Variants in FASTKD1 observed in about 807,000 individuals in gnomAD.
FASTKD1 encodes the protein FAST kinase domains 1.
Under a neutral mutation model 90.9 loss-of-function variants are expected in FASTKD1, and 94 were observed. That is an observed-to-expected ratio of 1.03 (90% CI 0.88 to 1.23). FASTKD1 has a LOEUF of 1.23. FASTKD1 is among the 50% of genes most tolerant of loss of function. The probability of loss-of-function intolerance (pLI) is 0.00; values close to 1 mark genes in which losing one functional copy is unlikely to be tolerated. For synonymous variants in FASTKD1, 319 were observed against 345.8 expected (o/e 0.92, Z 0.86); for missense variants, 945 against 993.5 (o/e 0.95, Z 0.66).
chr2:169,549,131 A>T (rs1685369124), intron 7 of FASTKD1, among the ~76,000 whole-genome samples: 1 of 151,856 alleles, frequency 6.6e-6, no homozygotes, highest in Non-Finnish European at 1.5e-5. Context: ...GTGGTGGCTC[A>T]CGCCTGTAAT....
intron 2 of FASTKD1, among the ~76,000 whole-genome samples, 182 bp from the exon 3 acceptor site, chr2:169,569,434 A>G (rs762806736): frequency 5.9e-5 from 9 of 152,244 alleles, no homozygotes; most frequent in Non-Finnish European, 1.0e-4. Context: ...ATAAACATCT[A>G]TACTTTATCC....
chr2:169,540,382 G>T (rs1248350394), intron 9 of FASTKD1, among the ~76,000 whole-genome samples: 1 of 152,124 alleles, frequency 6.6e-6, no homozygotes, highest in Non-Finnish European at 1.5e-5. Flanking sequence ...GAGGAGAAGG[G>T]TACTGTGATA....
At position 169,560,630 on chromosome 2, in the gene FASTKD1, T is replaced by C; in HGVS notation, c.728A>G (p.Tyr243Cys). 1 of 1,613,060 alleles carries C rather than the reference T, an allele frequency of 6.2e-7. No homozygotes were observed. ...SIAKFLRNVR[Y>C]RYQPLLERCN... ...TCTTTCTAATAGTGGTTGATAACGA[T>C]ATCTAACATTTCGAAGAAACTTTGC... is the stretch of plus-strand genomic sequence containing the variant. The change falls in exon 5 of 15, where the codon TAT becomes TGT. Residue 243 changes from tyrosine (Y) to cysteine (C), a missense_variant. By Grantham distance (194) the Tyr-to-Cys change is radical (BLOSUM62 -2). Coordinates refer to ENST00000453153, the MANE Select transcript of FASTKD1 (RefSeq NM_024622.6).
chr2:169,563,230 G>A lies in FASTKD1; in HGVS notation c.567C>T (p.Asp189=). Reference sequence around the variant, plus strand: ...GATTCCCTAAATAAATTTACCTTAAGTCCTGTGTGGTTTCCAAGTTCCTAT... The same window carrying A: ...GATTCCCTAAATAAATTTACCTTAAATCCTGTGTGGTTTCCAAGTTCCTAT... ...IVHRNLETTQ[D]LSSLSVLMVN... The change falls in exon 4 of 15, where the codon GAC becomes GAT. Residue 189 remains aspartate, a synonymous_variant. Transcript: ENST00000453153. 1 of 1,609,910 alleles carries A rather than the reference G, an allele frequency of 6.2e-7. No individual in the cohort carries two copies. The highest frequency in any genetic ancestry group is 1.1e-5 in the South Asian group (1 of 90,786).
intron 3 of FASTKD1, among the ~76,000 whole-genome samples, chr2:169,568,442 AG>A: frequency 6.6e-6 from 1 of 152,166 alleles, no homozygotes; most frequent in African/African-American, 2.4e-5. Flanking sequence ...TGTGTGGAAA[AG>A]TATACTATTC....
chr2:169,566,302 T>C, intron 3 of FASTKD1, among the ~76,000 whole-genome samples: 1 of 152,114 alleles, frequency 6.6e-6, no homozygotes, highest in East Asian at 1.9e-4. Flanking sequence ...TATACTGAAG[T>C]ATACTGAGAG....
chr2:169,532,775 G>GACAA (rs59169759), intron 12 of FASTKD1, among the ~76,000 whole-genome samples: 141,276 of 151,954 alleles, frequency 0.93, 65,731 homozygotes, highest in East Asian at 1. Context: ...TCCCAATTTG[G>GACAA]ACAAACTATA....
At position 169,529,796 on chromosome 2, in the gene FASTKD1, C is replaced by T; in HGVS notation, c.*29G>A. 1 of 1,475,360 alleles carries T rather than the reference C, an allele frequency of 6.8e-7. No individual in the cohort carries two copies. 91.4% of individuals were successfully genotyped at this position (1,475,360 alleles called of 1,614,324 possible). A position where few individuals can be genotyped will look rare whatever the true frequency, so the allele number is the denominator to read the frequency against. Reference sequence around the variant, plus strand: ...TTTATTAAAATAGGTCCAAATGTAACACACGATAACATTCATTTTAAATAA... The same window carrying T: ...TTTATTAAAATAGGTCCAAATGTAATACACGATAACATTCATTTTAAATAA... On this transcript the variant is annotated 3_prime_UTR_variant, in exon 15 of 15. Coordinates refer to ENST00000453153, the MANE Select transcript of FASTKD1 (RefSeq NM_024622.6).
At chr2:169,556,294 G>C (rs1015251433) in intron 6 of FASTKD1, among the ~76,000 whole-genome samples, 3 of 151,756 alleles carry the variant, frequency 2.0e-5, no homozygotes, top group African/African-American at 7.3e-5. Flanking sequence ...AAAATTAGTG[G>C]GCATGGCGAC....
intron 4 of FASTKD1, 72 bp downstream of exon 4, chr2:169,563,153 A>C: frequency 6.9e-7 from 1 of 1,456,432 alleles, no homozygotes; most frequent in Non-Finnish European, 9.4e-7. Flanking sequence ...TAAGAGTAGC[A>C]AATCTGACTG....
chr2:169,566,556 A>G (rs1484437950), intron 3 of FASTKD1, among the ~76,000 whole-genome samples: 1 of 152,106 alleles, frequency 6.6e-6, no homozygotes, highest in Non-Finnish European at 1.5e-5. Context: ...TACTAAAAAT[A>G]TAAAAATTAG....
At chr2:169,558,526 T>G (rs1683432197) in intron 5 of FASTKD1, among the ~76,000 whole-genome samples, 1 of 152,162 alleles carries the variant, frequency 6.6e-6, no homozygotes, top group South Asian at 2.1e-4. Flanking sequence ...CCTGGCTCAC[T>G]GCAACCTCAG....
At chr2:169,531,533 C>T (rs1684491800) in intron 12 of FASTKD1, 43 bp from the exon 13 acceptor site, 15 of 1,494,410 alleles carry the variant, frequency 1.0e-5, no homozygotes, top group Non-Finnish European at 1.3e-5. Context: ...TAGGTAAAGT[C>T]TTACAGATAA....
rs1210708080 is a variant in FASTKD1 at position 169,528,705 on chromosome 2, C to T, written c.*1120G>A. ...GGCTTTCACATGCACCACTTCAAAA[C>T]GACTATTTTCAAAGTACTAATGATT... On this transcript the variant is annotated 3_prime_UTR_variant, in exon 15 of 15. Coordinates refer to ENST00000453153, the MANE Select transcript of FASTKD1 (RefSeq NM_024622.6). Among the ~76,000 whole-genome samples the T allele has an allele frequency of 2.0e-5, 3 of 152,104 alleles. No homozygotes were observed. The highest frequency in any genetic ancestry group is 2.9e-5 in the Non-Finnish European group (2 of 68,028).
Position 169,529,763 on chromosome 2 carries a change from C to T in FASTKD1, c.*62G>A. 1 of 1,161,102 alleles carries T rather than the reference C, an allele frequency of 8.6e-7. No homozygotes were observed. 71.9% of individuals were successfully genotyped at this position (1,161,102 alleles called of 1,614,324 possible). On this transcript the variant is annotated 3_prime_UTR_variant, in exon 15 of 15. Transcript: ENST00000453153. ...ATTTGTACCTATTTTTTAATTGAGACAGGCCACTTTATTAAAATAGGTCCA... is the reference window on the plus strand; with the variant it reads ...ATTTGTACCTATTTTTTAATTGAGATAGGCCACTTTATTAAAATAGGTCCA...
intron 2 of FASTKD1, among the ~76,000 whole-genome samples, chr2:169,570,548 G>A (rs535434654): frequency 1.2e-3 from 181 of 151,856 alleles, no homozygotes; most frequent in Admixed American, 2.6e-3. Context: ...GGCTATTATT[G>A]AGAAACAACC....
At chr2:169,568,358 T>C (rs999508693) in intron 3 of FASTKD1, among the ~76,000 whole-genome samples, 5 of 152,162 alleles carry the variant, frequency 3.3e-5, no homozygotes, top group Non-Finnish European at 7.4e-5. Context: ...AGTATTCTTC[T>C]AGAAAAGAAG....
intron 7 of FASTKD1, among the ~76,000 whole-genome samples, chr2:169,552,474 A>G (rs1685529332): frequency 6.6e-6 from 1 of 152,142 alleles, no homozygotes; most frequent in South Asian, 2.1e-4. Flanking sequence ...ACCAACCTAA[A>G]TGCCCATTGA....
At position 169,538,161 on chromosome 2, in the gene FASTKD1, A is replaced by G; in HGVS notation, c.1946-20T>C. On this transcript the variant is annotated intron_variant, in intron 10 of 14. Transcript: ENST00000453153. ...ATAAAACTGAAATTAATAAAATACT[A>G]ATGAATTTTGATAGCTGAGACCTAG... 6.3e-7 allele frequency: 1 copy of G among 1,579,910 alleles called. No homozygotes were observed.
Sources: allele counts gnomAD v4.1 joint callset (sites outside exome capture counted in the v4.1 genomes callset), GRCh38; gene constraint gnomAD v4.1.1; transcripts MANE v1.5; gene names NCBI Gene and HGNC (gene_info 2026-07-23, HGNC 2026-07-21).